Variants in GABRA2 observed in about 807,000 individuals in gnomAD.
The protein encoded by GABRA2 is gamma-aminobutyric acid type A receptor subunit alpha2.
Under a neutral mutation model 48.7 loss-of-function variants are expected in GABRA2, and 16 were observed. That is an observed-to-expected ratio of 0.33 (90% CI 0.22 to 0.50). The LOEUF is 0.50. Among genes scored for constraint, GABRA2 ranks in the 20% least tolerant of loss-of-function variants. GABRA2 has a pLI of 0.98. For synonymous variants in GABRA2, 185 were observed against 184.5 expected, an observed-to-expected ratio of 1.00 and a Z score of -0.02; for missense variants, 275 against 535.6, an observed-to-expected ratio of 0.51 and a Z score of 4.80.
At chr4:46,385,742 T>A in intron 3 of GABRA2, among the ~76,000 whole-genome samples, 1 of 152,074 alleles carries the variant, frequency 6.6e-6, no homozygotes, top group South Asian at 2.1e-4. Context: ...ATACTTTCTT[T>A]ACACATGAAA....
intron 3 of GABRA2, among the ~76,000 whole-genome samples, chr4:46,338,904 A>T (rs1732729817): frequency 6.6e-6 from 1 of 151,932 alleles, no homozygotes; most frequent in Admixed American, 6.6e-5. Flanking sequence ...ACTTAAAGCC[A>T]CTGCAGTTTC....
chr4:46,298,904 T>C (rs1256264982), intron 8 of GABRA2, among the ~76,000 whole-genome samples: 1 of 151,802 alleles, frequency 6.6e-6, no homozygotes, highest in Non-Finnish European at 1.5e-5. Flanking sequence ...AAAATTCTAG[T>C]ATAATACCTA....
rs755207732 is a variant in GABRA2, at chr4:46,310,163, C to CTGTACTTA, written c.559+2_559+9dup. The stretch of plus-strand genomic sequence containing the variant: ...TGACCCAAAACATGTAACTTCATCC[C>CTGTACTTA]TGTACTTACAGCTGCCAAATTTCAG... On this transcript the variant is annotated intron_variant, in intron 6 of 9. Coordinates refer to ENST00000381620, the MANE Select transcript of GABRA2 (RefSeq NM_000807.4). 158 of 1,605,162 alleles carry CTGTACTTA rather than the reference C, an allele frequency of 9.8e-5. No individual in the cohort carries two copies. Among genetic ancestry groups the CTGTACTTA allele is most frequent in the Non-Finnish European group, 1.1e-4 (129 of 1,172,336 alleles).
Position 46,327,220 on chromosome 4 carries a change from TATC to T in GABRA2, c.255+5392_255+5394del, listed in dbSNP as rs1730542511. ...TCCCTTAGCATAAAGTCAAATACCT[TATC>T]ATGTTAAAATACAGACTTTCATGTT... On this transcript the variant is annotated intron_variant, in intron 4 of 9. Coordinates refer to ENST00000381620, the MANE Select transcript of GABRA2 (RefSeq NM_000807.4). 4.6e-5 allele frequency among the ~76,000 whole-genome samples: 7 copies of T among 151,976 alleles called. 1 individual carries two copies. Among genetic ancestry groups the T allele is most frequent in the Admixed American group, 2.6e-4 (4 of 15,196 alleles).
chr4:46,372,197 T>A (rs1322825382), intron 3 of GABRA2, among the ~76,000 whole-genome samples: 1 of 152,124 alleles, frequency 6.6e-6, no homozygotes, highest in Non-Finnish European at 1.5e-5. Context: ...ATCAAATACA[T>A]CCTCCTCCTT....
intron 8 of GABRA2, among the ~76,000 whole-genome samples, chr4:46,291,299 T>C (rs1003169447): frequency 6.6e-6 from 1 of 152,152 alleles, no homozygotes; most frequent in African/African-American, 2.4e-5. Context: ...TACTTTTTAG[T>C]CAGGATTGTT....
chr4:46,269,725 AT>A (rs1337721812), intron 8 of GABRA2, among the ~76,000 whole-genome samples: 1 of 151,790 alleles, frequency 6.6e-6, no homozygotes, highest in African/African-American at 2.4e-5. Context: ...TTTGTTTCAC[AT>A]TTTTTTACTA....
intron 8 of GABRA2, among the ~76,000 whole-genome samples, chr4:46,272,095 G>A (rs1719447952): frequency 6.6e-6 from 1 of 151,842 alleles, no homozygotes; most frequent in Non-Finnish European, 1.5e-5. Context: ...GCACCCTAGG[G>A]TGCCAATTCT....
chr4:46,389,486 A>G (rs577423332), intron 1 of GABRA2: 1 of 790,344 alleles, frequency 1.3e-6, no homozygotes, highest in Non-Finnish European at 1.5e-6. Context: ...AAAGTTGAAG[A>G]CTATAAAAGA....
intron 3 of GABRA2, chr4:46,366,736 T>C (rs1714102419): frequency 6.6e-6 from 1 of 152,192 alleles, no homozygotes; most frequent in Non-Finnish European, 1.5e-5. Context: ...TTAGTATGAT[T>C]CCATTATCTT....
At chr4:46,295,377 A>G (rs958094407) in intron 8 of GABRA2, among the ~76,000 whole-genome samples, 16 of 152,224 alleles carry the variant, frequency 1.1e-4, no homozygotes, top group Admixed American at 3.3e-4. Flanking sequence ...AAATTTGAGG[A>G]AGAAGTATGT....
intron 3 of GABRA2, among the ~76,000 whole-genome samples, chr4:46,373,419 C>G (rs1346174195): frequency 6.6e-6 from 1 of 152,194 alleles, no homozygotes; most frequent in Non-Finnish European, 1.5e-5. Flanking sequence ...CTCCTCACTA[C>G]TACATTGTCT....
chr4:46,322,850 T>C (rs1026595418), intron 4 of GABRA2, among the ~76,000 whole-genome samples: 4 of 152,010 alleles, frequency 2.6e-5, no homozygotes, highest in Non-Finnish European at 5.9e-5. Context: ...AGATGTCTTA[T>C]GGCAGCAATC....
rs183398023 is a variant in GABRA2 at position 46,244,771 on chromosome 4, C to T, written c.*5537G>A. On this transcript the variant is annotated 3_prime_UTR_variant, in exon 10 of 10. Transcript: ENST00000381620. The stretch of plus-strand genomic sequence containing the variant: ...TTAATACGTGATCATTACTTGTGAA[C>T]CAAAAAAGAAAACTGCAATATATTC... Among the ~76,000 whole-genome samples the T allele has an allele frequency of 2.5e-3, 377 of 151,340 alleles. 1 individual carries two copies. The highest frequency in any genetic ancestry group is 2.6e-3 in the Admixed American group (39 of 15,146).
At chr4:46,329,813 A>T (rs1357811066) in intron 4 of GABRA2, among the ~76,000 whole-genome samples, 1 of 152,110 alleles carries the variant, frequency 6.6e-6, no homozygotes, top group East Asian at 1.9e-4. Flanking sequence ...GACTTCCTCT[A>T]AAACAACTGT....
At chr4:46,266,940 T>G (rs986657501) in intron 8 of GABRA2, among the ~76,000 whole-genome samples, 2 of 152,020 alleles carry the variant, frequency 1.3e-5, no homozygotes, top group Non-Finnish European at 2.9e-5. Flanking sequence ...TCCAGGCTGG[T>G]CCTGAACTCC....
chr4:46,370,909 A>AACAC (rs538019660), intron 3 of GABRA2, among the ~76,000 whole-genome samples: 2 of 151,342 alleles, frequency 1.3e-5, no homozygotes, highest in Non-Finnish European at 3.0e-5. Context: ...ACACACACAC[A>AACAC]ACACACACAC....
chr4:46,322,959 C>T (rs1458368473), intron 4 of GABRA2, among the ~76,000 whole-genome samples: 1 of 151,266 alleles, frequency 6.6e-6, no homozygotes, highest in Non-Finnish European at 1.5e-5. Context: ...AACTAATCAC[C>T]AATATACTTT....
chr4:46,290,051 A>G (rs930483790), intron 8 of GABRA2, among the ~76,000 whole-genome samples: 30 of 149,332 alleles, frequency 2.0e-4, no homozygotes, highest in Admixed American at 7.4e-4. Context: ...AGCTGGGATT[A>G]CAGGCGCCCG....
Sources: allele counts gnomAD v4.1 joint callset (sites outside exome capture counted in the v4.1 genomes callset), GRCh38; gene constraint gnomAD v4.1.1; transcripts MANE v1.5; gene names NCBI Gene and HGNC (gene_info 2026-07-23, HGNC 2026-07-21).